AGBL3: variants seen among roughly 807,000 people sequenced by gnomAD.
The protein encoded by AGBL3 is AGBL carboxypeptidase 3.
A neutral mutation model predicts 94.5 loss-of-function variants in AGBL3; 68 were observed. The observed-to-expected ratio is 0.72, with a 90% CI of 0.59 to 0.88. AGBL3 has a LOEUF of 0.88. Ranked by LOEUF, AGBL3 falls within the 40% of genes least tolerant of loss-of-function variation. The pLI is 0.00. For synonymous variants in AGBL3, 354 were observed against 370.7 expected (o/e 0.95, Z 0.52); for missense variants, 934 against 1,103.8 (o/e 0.85, Z 2.18).
chr7:134,999,868 A>G (rs1293637877), intron 4 of AGBL3, among the ~76,000 whole-genome samples: 1 of 152,240 alleles, frequency 6.6e-6, no homozygotes, highest in East Asian at 1.9e-4. Flanking sequence ...CATCTGATGT[A>G]GTACAGTAGT....
chr7:135,111,052 C>G (rs1418474286), intron 15 of AGBL3, among the ~76,000 whole-genome samples: 2 of 152,172 alleles, frequency 1.3e-5, no homozygotes, highest in Non-Finnish European at 2.9e-5. Flanking sequence ...CTCTCTCCTA[C>G]CTAACATCTC....
chr7:135,021,686 AT>A (rs1465523121), intron 5 of AGBL3, among the ~76,000 whole-genome samples: 1 of 144,058 alleles, frequency 6.9e-6, no homozygotes, highest in African/African-American at 2.6e-5. Flanking sequence ...ACCTTCTGGC[AT>A]ACATGTGCAG....
intron 16 of AGBL3, 139 bp downstream of exon 16, chr7:135,115,750 A>G (rs1826231301): frequency 1.5e-6 from 1 of 667,254 alleles, no homozygotes; most frequent in Non-Finnish European, 2.5e-6. Flanking sequence ...GGCAAAGAAC[A>G]AAGACCCAAA....
chr7:135,014,197 G>GAA (rs58580550), intron 4 of AGBL3, among the ~76,000 whole-genome samples: 2 of 65,510 alleles, frequency 3.1e-5, no homozygotes, highest in African/African-American at 6.2e-5. Flanking sequence ...CTCTGTCTCT[G>GAA]AAAAAAAAAA....
chr7:135,073,191 G>A (rs1478589432), intron 12 of AGBL3, among the ~76,000 whole-genome samples: 1 of 152,130 alleles, frequency 6.6e-6, no homozygotes, highest in Non-Finnish European at 1.5e-5. Context: ...GTTGTAGCCG[G>A]GCATGGTGGC....
At chr7:135,083,876 T>A (rs901158440) in intron 15 of AGBL3, among the ~76,000 whole-genome samples, 1 of 152,158 alleles carries the variant, frequency 6.6e-6, no homozygotes, top group African/African-American at 2.4e-5. Context: ...CGAGTAGGTC[T>A]TTGATGTCAC....
At chr7:134,990,302 C>T (rs1292827762) in intron 3 of AGBL3, among the ~76,000 whole-genome samples, 1 of 152,162 alleles carries the variant, frequency 6.6e-6, no homozygotes, top group East Asian at 1.9e-4. Context: ...CAGTGATTTG[C>T]GTTCCCTCCC....
At chr7:134,993,808 G>A in intron 4 of AGBL3, 130 bp downstream of exon 4, 2 of 800,098 alleles carry the variant, frequency 2.5e-6, no homozygotes, top group South Asian at 4.7e-5. Context: ...GCCACATAAT[G>A]TAATTTTAAA....
intron 16 of AGBL3, among the ~76,000 whole-genome samples, chr7:135,117,041 G>A (rs1028714334): frequency 2.0e-5 from 3 of 152,094 alleles, no homozygotes; most frequent in Admixed American, 6.5e-5. Context: ...TCTACCTTTC[G>A]GAGTTGCCTT....
chr7:135,128,389 G>A, intron 16 of AGBL3: 2 of 571,408 alleles, frequency 3.5e-6, no homozygotes, highest in Non-Finnish European at 6.4e-6. Context: ...TAGCAGTGAG[G>A]ATGATCAGAG....
chr7:135,003,658 T>G (rs922026680), intron 4 of AGBL3, among the ~76,000 whole-genome samples: 63 of 149,832 alleles, frequency 4.2e-4, no homozygotes, highest in East Asian at 4.1e-3. Context: ...ATAGTTTTAA[T>G]TTTTTTTTTT....
intron 1 of AGBL3, 49 bp downstream of exon 1, chr7:134,986,750 C>G (rs1433543441): frequency 1.3e-5 from 2 of 152,362 alleles, no homozygotes; most frequent in South Asian, 2.1e-4. Flanking sequence ...GAGCGCGCCC[C>G]GGAAAATGAG....
At chr7:135,008,831 TAAAC>T (rs1812739314) in intron 4 of AGBL3, among the ~76,000 whole-genome samples, 1 of 152,142 alleles carries the variant, frequency 6.6e-6, no homozygotes, top group Admixed American at 6.5e-5. Flanking sequence ...AGGATCTAAA[TAAAC>T]ATTTCTCCAA....
In AGBL3 at chr7:135,045,534, G is replaced by GTGA; in HGVS notation, c.1690_1692dup (p.Asp564dup). 2 of 1,551,164 alleles carry GTGA rather than the reference G, an allele frequency of 1.3e-6. No individual in the cohort carries two copies. The highest frequency in any genetic ancestry group is 2.4e-5 in the South Asian group (2 of 84,056). ...CTGGAATCAATGGGATATCATTTTT[G>GTGA]TGATTCTCTCTTGGATTATTGTGAT... On this transcript the variant is annotated inframe_insertion, in exon 10 of 17. Coordinates refer to ENST00000436302, the MANE Select transcript of AGBL3 (RefSeq NM_178563.4).
intron 12 of AGBL3, among the ~76,000 whole-genome samples, chr7:135,060,509 C>T (rs998031818): frequency 5.9e-5 from 9 of 152,116 alleles, no homozygotes; most frequent in Non-Finnish European, 1.2e-4. Context: ...TTCCTCCTAT[C>T]TAACTGGAAT....
chr7:135,016,198 A>G (rs1813786929), intron 4 of AGBL3, among the ~76,000 whole-genome samples: 1 of 152,156 alleles, frequency 6.6e-6, no homozygotes, highest in Non-Finnish European at 1.5e-5. Flanking sequence ...AAACATTTAA[A>G]TTTTTAATTA....
chr7:135,050,940 AT>A, intron 11 of AGBL3: 3 of 378,032 alleles, frequency 7.9e-6, no homozygotes, highest in South Asian at 2.0e-5. Flanking sequence ...TACTATTGCC[AT>A]TTTGTTGTTT....
chr7:135,037,834 C>T lies in AGBL3; in HGVS notation c.1500+254C>T, dbSNP rs550066006. On this transcript the variant is annotated intron_variant, in intron 8 of 16. Transcript: ENST00000436302. ...CCACTGCTCTTTTACCTTTTGAAAG[C>T]TTCCTCTATTAGTCATTTTTATCAA... 8.5e-5 allele frequency among the ~76,000 whole-genome samples: 13 copies of T among 152,200 alleles called. No individual in the cohort carries two copies. In the South Asian group the frequency reaches 1.9e-3, roughly 22 times the overall value.
intron 15 of AGBL3, among the ~76,000 whole-genome samples, chr7:135,110,553 C>T (rs1284497029): frequency 6.6e-6 from 1 of 152,208 alleles, no homozygotes; most frequent in Non-Finnish European, 1.5e-5. Context: ...GGGTCCCCAT[C>T]ATCACTCACT....
Sources: gnomAD v4.1 joint callset for allele counts (sites outside exome capture counted in the v4.1 genomes callset) on GRCh38, gnomAD v4.1.1 for gene constraint, MANE v1.5 for transcripts, NCBI Gene and HGNC (gene_info 2026-07-23, HGNC 2026-07-21) for gene names.